The following ZFX variants were observed in gnomAD, a reference collection of about 807,000 sequenced individuals.
ZFX encodes zinc finger X-chromosomal protein.
For synonymous variants in ZFX, 196 were observed against 226.8 expected (o/e 0.86, Z 1.22); for missense variants, 362 against 628.3 (o/e 0.58, Z 4.53).
intron 3 of ZFX, among the ~76,000 whole-genome samples, chrX:24,171,030 T>A (rs1361888014): frequency 8.9e-6 from 1 of 112,371 alleles, no homozygotes; most frequent in African/African-American, 3.2e-5. Context: ...ATGTTAATTT[T>A]CTCAATTAAC....
rs1938083140 is a variant in ZFX at position 24,211,564 on chromosome X, A to G, written c.*188A>G. The G allele has an allele frequency of 8.3e-6, 4 of 479,823 alleles. No individual in the cohort carries two copies. The South Asian group carries it at 1.8e-4, about 21-fold the overall frequency. The allele number at this position is 479,823 out of a possible 1,213,427, so 39.5% of individuals were successfully genotyped here. On this transcript the variant is annotated 3_prime_UTR_variant, in exon 10 of 10. Coordinates refer to ENST00000304543, the MANE Select transcript of ZFX (RefSeq NM_003410.4). ...CAGTAGTGTGTTCTGAATTCTATTCAGTTTGTTTAATAAATAGGGAAAACT... is the reference window on the plus strand; with the variant it reads ...CAGTAGTGTGTTCTGAATTCTATTCGGTTTGTTTAATAAATAGGGAAAACT...
intron 4 of ZFX, among the ~76,000 whole-genome samples, chrX:24,176,132 C>G (rs998958406): frequency 5.6e-5 from 6 of 106,538 alleles, no homozygotes; most frequent in Non-Finnish European, 1.2e-4. Context: ...CTCTGCCTCC[C>G]GGGTTCAAAT....
Position 24,208,209 on chromosome X carries a change from T to C in ZFX, c.941-9T>C, listed in dbSNP as rs1569168959. The C allele has an allele frequency of 8.3e-7, 1 of 1,211,605 alleles. No homozygotes were observed. Among genetic ancestry groups the C allele is most frequent in the Non-Finnish European group, 1.1e-6 (1 of 895,452 alleles). On this transcript the variant is annotated splice_polypyrimidine_tract_variant and intron_variant, in intron 7 of 9. Transcript: ENST00000304543. ...CTGGTCACAGAAGTTTTTGTAACTT[T>C]CTACTTAGATGTTGCTGAAATCGCT...
chrX:24,174,733 C>T (rs2905243), intron 4 of ZFX, among the ~76,000 whole-genome samples: 2 of 108,265 alleles, frequency 1.8e-5, no homozygotes, highest in Admixed American at 9.9e-5. Flanking sequence ...TTTCTTTTAG[C>T]GGCAGGGTCT....
intron 5 of ZFX, among the ~76,000 whole-genome samples, chrX:24,193,646 A>G (rs1019232729): frequency 1.8e-5 from 2 of 111,918 alleles, no homozygotes; most frequent in African/African-American, 6.5e-5. Flanking sequence ...TAGCTTTTCT[A>G]TTTACTAAAG....
chrX:24,203,237 C>T (rs907585050), intron 5 of ZFX, among the ~76,000 whole-genome samples: 2 of 112,151 alleles, frequency 1.8e-5, no homozygotes, highest in South Asian at 3.7e-4. Context: ...CAGCCCACTC[C>T]GCCAGTTGTA....
intron 8 of ZFX, 120 bp from the exon 9 acceptor site, chrX:24,208,780 G>A: frequency 1.3e-6 from 1 of 780,500 alleles, no homozygotes. Flanking sequence ...CCTAGAATGG[G>A]GAATTTCTGT....
In ZFX at chrX:24,210,404, C is replaced by T. The variant is rs1172206592; in HGVS notation, c.1446C>T (p.Ser482=). 98 of 1,212,073 alleles carry T rather than the reference C, an allele frequency of 8.1e-5. No individual in the cohort carries two copies. Among genetic ancestry groups the T allele is most frequent in the Non-Finnish European group, 1.1e-4 (95 of 895,621 alleles). Reference sequence around the variant, plus strand: ...ACCTGGAGAGCCACAAGCTGACCAGCAAGGCAGAGAAGGCCATTGAATGCG... The same window carrying T: ...ACCTGGAGAGCCACAAGCTGACCAGTAAGGCAGAGAAGGCCATTGAATGCG... ...HNHLESHKLT[S]KAEKAIECDE... The change falls in exon 10 of 10, where the codon AGC becomes AGT. Residue 482 remains serine (S), a synonymous_variant. Coordinates refer to ENST00000304543, the MANE Select transcript of ZFX (RefSeq NM_003410.4).
chrX:24,160,942 C>T (rs1389303377), intron 3 of ZFX, among the ~76,000 whole-genome samples: 1 of 110,885 alleles, frequency 9.0e-6, no homozygotes, highest in African/African-American at 3.3e-5. Context: ...TTTCCTGTTG[C>T]CCATTAAAAT....
chrX:24,167,568 C>T (rs2704845), intron 3 of ZFX, among the ~76,000 whole-genome samples: 49,316 of 109,606 alleles, frequency 0.45, 8,086 homozygotes, highest in South Asian at 0.78. Context: ...TGGGAAGATA[C>T]CGTGTCCACC....
At chrX:24,201,048 C>T (rs777311081) in intron 5 of ZFX, among the ~76,000 whole-genome samples, 9 of 112,198 alleles carry the variant, frequency 8.0e-5, no homozygotes, top group Middle Eastern at 4.6e-3. Context: ...GGTAGGATGA[C>T]TCAATTTTAT....
intron 5 of ZFX, among the ~76,000 whole-genome samples, chrX:24,185,935 T>TA (rs1309515035): frequency 6.3e-4 from 64 of 101,674 alleles, no homozygotes; most frequent in South Asian, 1.6e-3. Flanking sequence ...CCCTGTTTCT[T>TA]AAAAAAAAAA....
chrX:24,158,486 T>C lies in ZFX; in HGVS notation c.-29+5656T>C, dbSNP rs760201129. Among the ~76,000 whole-genome samples the C allele has an allele frequency of 5.3e-5, 6 of 112,395 alleles. No individual in the cohort carries two copies. In the South Asian group the frequency reaches 1.8e-3, roughly 35 times the overall value. ...CTCCTGTTTCTTGTTCTGGTTTTAC[T>C]GCATTGACTAATTCCTCTATTGAAG... is the stretch of plus-strand genomic sequence containing the variant. On this transcript the variant is annotated intron_variant, in intron 3 of 9. Coordinates refer to ENST00000304543, the MANE Select transcript of ZFX (RefSeq NM_003410.4).
chrX:24,150,009 T>A (rs1323781330), intron 1 of ZFX: 1 of 92,595 alleles, frequency 1.1e-5, no homozygotes, highest in Non-Finnish European at 2.2e-5. Context: ...CGGGCGGGGG[T>A]TGGGGGAGGG....
rs759605031 is a variant in ZFX, at chrX:24,203,247, A to G, written c.647-4079A>G. 2.7e-5 allele frequency among the ~76,000 whole-genome samples: 3 copies of G among 112,115 alleles called. No individual in the cohort carries two copies. The South Asian group carries it at 1.1e-3, about 42-fold the overall frequency. On this transcript the variant is annotated intron_variant, in intron 5 of 9. Coordinates refer to ENST00000304543, the MANE Select transcript of ZFX (RefSeq NM_003410.4). ...AAATCCAGCCCACTCCGCCAGTTGT[A>G]CTACCTCCGTCCTGATTCAAGGCCT...
intron 3 of ZFX, among the ~76,000 whole-genome samples, chrX:24,164,027 C>A (rs1280204146): frequency 2.0e-5 from 2 of 98,547 alleles, no homozygotes; most frequent in Non-Finnish European, 4.1e-5. Context: ...CTCCCAGTTT[C>A]TTCCCCTCTT....
At chrX:24,149,692 C>T (rs768090709), upstream of ZFX, 4 of 110,854 alleles carry the variant, frequency 3.6e-5, no homozygotes, top group African/African-American at 1.3e-4. Flanking sequence ...GCCCCTCCTC[C>T]CTCCCTCCGC....
At position 24,213,361 on chromosome X, in the gene ZFX, T is replaced by A. The variant is rs1022182661; in HGVS notation, c.*1985T>A. 8.9e-6 allele frequency: 1 copy of A among 112,171 alleles called. No homozygotes were observed. The highest frequency in any genetic ancestry group is 3.3e-5 in the African/African-American group (1 of 30,711). 9.2% of individuals were successfully genotyped at this position (112,171 alleles called of 1,213,427 possible). The stretch of plus-strand genomic sequence containing the variant: ...ATGCATCTAGCACATTGTAGGAGAT[T>A]TAGAAATTGTCTTCCCACCCGATAG... On this transcript the variant is annotated 3_prime_UTR_variant, in exon 10 of 10. Transcript: ENST00000304543.
At chrX:24,151,270 G>A (rs1347746306) in intron 1 of ZFX, among the ~76,000 whole-genome samples, 1 of 111,980 alleles carries the variant, frequency 8.9e-6, no homozygotes, top group Non-Finnish European at 1.9e-5. Context: ...GGTAGGTGGG[G>A]CAAGGTGAAA....
Sources: gnomAD v4.1 joint callset for allele counts (sites outside exome capture counted in the v4.1 genomes callset) on GRCh38, gnomAD v4.1.1 for gene constraint, MANE v1.5 for transcripts, NCBI Gene and HGNC (gene_info 2026-07-23, HGNC 2026-07-21) for gene names.